Variants in GADL1 observed in about 807,000 individuals in gnomAD.
The protein encoded by GADL1 is acidic amino acid decarboxylase GADL1.
In GADL1, 71 loss-of-function variants were observed where a neutral mutation model predicts 69.5. That is an observed-to-expected ratio of 1.02 (90% CI 0.84 to 1.25). GADL1 has a LOEUF of 1.25. Ranked by LOEUF, GADL1 falls within the 50% of genes most tolerant of loss-of-function variation. The pLI is 0.00. For missense variants in GADL1, 737 were observed against 631.8 expected (o/e 1.17, Z -1.79); for synonymous variants, 254 against 214.4 (o/e 1.18, Z -1.62).
chr3:30,734,440 A>C (rs1695511339), intron 14 of GADL1, among the ~76,000 whole-genome samples: 1 of 152,196 alleles, frequency 6.6e-6, no homozygotes, highest in Admixed American at 6.5e-5. Context: ...TGCAGCTCAC[A>C]ACATGTAGAG....
Position 30,764,284 on chromosome 3 carries a change from A to G in GADL1, c.1392+13895T>C, listed in dbSNP as rs555318705. 2.6e-5 allele frequency among the ~76,000 whole-genome samples: 4 copies of G among 152,276 alleles called. No individual in the cohort carries two copies. In the South Asian group the frequency reaches 8.4e-4, roughly 32 times the overall value. On this transcript the variant is annotated intron_variant, in intron 14 of 14. Transcript: ENST00000282538. Reference sequence around the variant, plus strand: ...AAATTTGTAAGAAGATACACAGTAGAAACTAATTTCTAAGACATGATCTGA... The same window carrying G: ...AAATTTGTAAGAAGATACACAGTAGGAACTAATTTCTAAGACATGATCTGA...
Position 30,726,644 on chromosome 3 carries a change from A to T in GADL1, c.*1598T>A, listed in dbSNP as rs1358439501. 1 of 152,160 alleles carries T rather than the reference A, an allele frequency of 6.6e-6. No homozygotes were observed. Among genetic ancestry groups the T allele is most frequent in the Non-Finnish European group, 1.5e-5 (1 of 68,018 alleles). 9.4% of individuals were successfully genotyped at this position (152,160 alleles called of 1,614,324 possible). On this transcript the variant is annotated 3_prime_UTR_variant, in exon 15 of 15. Transcript: ENST00000282538. ...GCAAATAGTACTCAAAATTTAAATG[A>T]CATTGGTTAACAATGGAGTACGAAA...
At chr3:30,834,126 TTTG>T (rs1358904321) in intron 10 of GADL1, 88 bp downstream of exon 10, 2 of 1,137,118 alleles carry the variant, frequency 1.8e-6, no homozygotes, top group Admixed American at 2.0e-5. Context: ...AAACAATTAC[TTTG>T]TTTTTTCCTA....
In GADL1 at chr3:30,753,084, CAATA is replaced by C. The variant is rs1263765593; in HGVS notation, c.1393-24673_1393-24670del. On this transcript the variant is annotated intron_variant, in intron 14 of 14. Coordinates refer to ENST00000282538, the MANE Select transcript of GADL1 (RefSeq NM_207359.3). ...TTTAAAATCAAAATGCTGTCACTGC[CAATA>C]AATAAGTGCAGTGTCTTTTTCTTAT... Among the ~76,000 whole-genome samples the C allele has an allele frequency of 8.3e-4, 126 of 152,216 alleles. 1 individual carries two copies. Among genetic ancestry groups the C allele is most frequent in the East Asian group, 7.7e-4 (4 of 5,172 alleles).
In GADL1 at chr3:30,834,313, T is replaced by C. The variant is rs957123540; in HGVS notation, c.904-32A>G. ...AGATATTTACAGTACCAGAACAATGTTATTTCAATGTTATTTGTTTACCAG... is the reference window on the plus strand; with the variant it reads ...AGATATTTACAGTACCAGAACAATGCTATTTCAATGTTATTTGTTTACCAG... On this transcript the variant is annotated intron_variant, in intron 9 of 14. Coordinates refer to ENST00000282538, the MANE Select transcript of GADL1 (RefSeq NM_207359.3). The C allele has an allele frequency of 4.5e-6, 7 of 1,571,572 alleles. No homozygotes were observed. The African/African-American group carries it at 8.1e-5, about 18-fold the overall frequency.
chr3:30,844,967 C>T lies in GADL1; in HGVS notation c.652-501G>A, dbSNP rs568853907. Among the ~76,000 whole-genome samples, 10 of 152,038 alleles carry T rather than the reference C, an allele frequency of 6.6e-5. No homozygotes were observed. The South Asian group carries it at 2.1e-3, about 32-fold the overall frequency. ...ATCTAGTCCACTGCTGACTTGAAAC[C>T]CTCTAAGGAGAGGGCAAGACTCTAT... On this transcript the variant is annotated intron_variant, in intron 6 of 14. Coordinates refer to ENST00000282538, the MANE Select transcript of GADL1 (RefSeq NM_207359.3).
intron 14 of GADL1, among the ~76,000 whole-genome samples, chr3:30,729,154 C>A (rs1695416199): frequency 2.0e-5 from 3 of 152,070 alleles, no homozygotes; most frequent in African/African-American, 7.2e-5. Flanking sequence ...TCCAGATACA[C>A]AGATTTTTCT....
chr3:30,758,626 C>A (rs1463114470), intron 14 of GADL1, among the ~76,000 whole-genome samples: 1 of 152,140 alleles, frequency 6.6e-6, no homozygotes, highest in Admixed American at 6.5e-5. Context: ...AAATGTGGAC[C>A]TTCTACGAAT....
intron 1 of GADL1, among the ~76,000 whole-genome samples, chr3:30,862,118 T>C (rs895895903): frequency 6.6e-6 from 1 of 151,942 alleles, no homozygotes; most frequent in East Asian, 1.9e-4. Flanking sequence ...CTAGATGGTG[T>C]TTGAAGTTGA....
rs1559480614 is a variant in GADL1 at position 30,726,996 on chromosome 3, T to A, written c.*1246A>T. The A allele has an allele frequency of 2.0e-5, 3 of 152,304 alleles. No individual in the cohort carries two copies. The highest frequency in any genetic ancestry group is 1.3e-4 in the Admixed American group (2 of 15,236). The allele number at this position is 152,304 out of a possible 1,614,324, so 9.4% of individuals were successfully genotyped here. On this transcript the variant is annotated 3_prime_UTR_variant, in exon 15 of 15. Coordinates refer to ENST00000282538, the MANE Select transcript of GADL1 (RefSeq NM_207359.3). ...AAGGGAATGTTGTACAACCCTGGAC[T>A]TCATTGTGTTTATTCCCTATGAGGC...
At chr3:30,762,237 G>A (rs939777812) in intron 14 of GADL1, among the ~76,000 whole-genome samples, 3 of 152,160 alleles carry the variant, frequency 2.0e-5, no homozygotes, top group African/African-American at 7.2e-5. Flanking sequence ...AGGAGTAAGT[G>A]AATTATGTTG....
At chr3:30,848,235 C>T (rs1247131640) in intron 6 of GADL1, among the ~76,000 whole-genome samples, 4 of 152,160 alleles carry the variant, frequency 2.6e-5, no homozygotes, top group Admixed American at 1.3e-4. Flanking sequence ...GAAGGAATGA[C>T]TTATGAACAA....
At chr3:30,761,964 T>A (rs980885943) in intron 14 of GADL1, among the ~76,000 whole-genome samples, 1 of 151,930 alleles carries the variant, frequency 6.6e-6, no homozygotes, top group African/African-American at 2.4e-5. Context: ...GGAGTGAGAA[T>A]CTAATAGAGT....
At chr3:30,797,818 T>C (rs774578621) in intron 12 of GADL1, 18 of 152,294 alleles carry the variant, frequency 1.2e-4, no homozygotes, top group South Asian at 4.1e-4. Flanking sequence ...TTTTTATAAA[T>C]TTATTTTTTT....
chr3:30,836,622 G>A (rs1697879402), intron 9 of GADL1, among the ~76,000 whole-genome samples: 1 of 151,948 alleles, frequency 6.6e-6, no homozygotes, highest in Non-Finnish European at 1.5e-5. Context: ...ATTAATAGTA[G>A]AACCAATCTT....
At chr3:30,791,001 T>C (rs1404222346) in intron 12 of GADL1, among the ~76,000 whole-genome samples, 4 of 150,994 alleles carry the variant, frequency 2.6e-5, no homozygotes, top group Non-Finnish European at 4.4e-5. Context: ...TTTTACACTT[T>C]TTTTTTTTAA....
At chr3:30,878,484 C>T (rs561214764) in intron 1 of GADL1, among the ~76,000 whole-genome samples, 14 of 151,894 alleles carry the variant, frequency 9.2e-5, no homozygotes, top group Non-Finnish European at 1.8e-4. Flanking sequence ...TTTCCTTAAA[C>T]AAACAGGCTG....
At chr3:30,779,946 T>A (rs1696624286) in intron 13 of GADL1, among the ~76,000 whole-genome samples, 1 of 152,168 alleles carries the variant, frequency 6.6e-6, no homozygotes, top group Non-Finnish European at 1.5e-5. Flanking sequence ...TTCATGGGTC[T>A]CCTACAGAAT....
At chr3:30,871,734 C>T (rs1199444271) in intron 1 of GADL1, among the ~76,000 whole-genome samples, 2 of 151,684 alleles carry the variant, frequency 1.3e-5, no homozygotes, top group African/African-American at 4.9e-5. Flanking sequence ...TACTGAAACA[C>T]CAAGGCATCC....
Sources: gnomAD v4.1 joint callset for allele counts (sites outside exome capture counted in the v4.1 genomes callset) on GRCh38, gnomAD v4.1.1 for gene constraint, MANE v1.5 for transcripts, NCBI Gene and HGNC (gene_info 2026-07-23, HGNC 2026-07-21) for gene names.